Variants in ARHGAP17 observed in about 807,000 individuals in gnomAD.
The protein encoded by ARHGAP17 is Rho GTPase activating protein 17, also known as rho GTPase-activating protein 17.
A neutral mutation model predicts 99.5 loss-of-function variants in ARHGAP17; 57 were observed. The ratio of observed to expected loss-of-function variants is 0.57; its 90% CI spans 0.46 to 0.71. ARHGAP17 has a LOEUF of 0.71. Among genes scored for constraint, ARHGAP17 ranks in the 30% least tolerant of loss-of-function variants. The probability of loss-of-function intolerance (pLI) is 0.00; values close to 1 mark genes in which losing one functional copy is unlikely to be tolerated. For missense variants in ARHGAP17, 1,000 were observed against 1,122.4 expected (o/e 0.89, Z 1.56); for synonymous variants, 417 against 429.6 (o/e 0.97, Z 0.36).
chr16:24,952,185 G>A (rs758066782), intron 12 of ARHGAP17, 104 bp downstream of exon 12: 5 of 740,030 alleles, frequency 6.8e-6, no homozygotes, highest in East Asian at 2.9e-5. Flanking sequence ...TAACAAATAC[G>A]CTATTTTAAT....
Position 24,959,665 on chromosome 16 carries a change from C to T in ARHGAP17, c.724+6G>A, listed in dbSNP as rs2051922791. 3 of 1,613,628 alleles carry T rather than the reference C, an allele frequency of 1.9e-6. No individual in the cohort carries two copies. The Admixed American group carries it at 5.0e-5, about 27-fold the overall frequency. ...GGAAGCATCAGCCGCACGCGGGTTA[C>T]ATTACCTTGATGGGCTCGCATTTCG... is the stretch of plus-strand genomic sequence containing the variant. On this transcript the variant is annotated splice_donor_region_variant and intron_variant, in intron 9 of 19. Coordinates refer to ENST00000289968, the MANE Select transcript of ARHGAP17 (RefSeq NM_001006634.3).
chr16:24,999,698 T>C (rs1244034848), intron 1 of ARHGAP17, among the ~76,000 whole-genome samples: 1 of 152,158 alleles, frequency 6.6e-6, no homozygotes, highest in African/African-American at 2.4e-5. Context: ...GGGATACAGG[T>C]GGGAGTCGCA....
At chr16:24,935,746 G>A (rs1010392112) in intron 17 of ARHGAP17, 107 bp from the exon 18 acceptor site, 3 of 1,211,016 alleles carry the variant, frequency 2.5e-6, no homozygotes, top group South Asian at 1.3e-5. Context: ...ACTTCGGCAG[G>A]CAGGAAAAGG....
intron 16 of ARHGAP17, 175 bp from the exon 17 acceptor site, chr16:24,939,772 CA>C (rs1326281399): frequency 9.1e-6 from 6 of 661,562 alleles, no homozygotes; most frequent in Non-Finnish European, 1.6e-5. Flanking sequence ...CACTCGGCTT[CA>C]AGCCTGAGCA....
At position 24,973,037 on chromosome 16, in the gene ARHGAP17, T is replaced by C. The variant is rs111774772; in HGVS notation, c.199-2457A>G. 3.7e-3 allele frequency among the ~76,000 whole-genome samples: 566 copies of C among 152,036 alleles called. 8 individuals carry two copies. The highest frequency in any genetic ancestry group is 0.013 in the African/African-American group (545 of 41,448). On this transcript the variant is annotated intron_variant, in intron 3 of 19. Transcript: ENST00000289968. ...GCAACCCACTTCCGGGGTTTTGCCA[T>C]GTTGCACAGGCTGGTATCGACTCCT...
intron 1 of ARHGAP17, among the ~76,000 whole-genome samples, chr16:25,013,517 T>C (rs2053698584): frequency 6.6e-6 from 1 of 151,666 alleles, no homozygotes; most frequent in Non-Finnish European, 1.5e-5. Flanking sequence ...ACCACATAGG[T>C]GGCTGAGGCG....
At chr16:24,941,224 T>C (rs2051303546) in intron 16 of ARHGAP17, among the ~76,000 whole-genome samples, 1 of 152,242 alleles carries the variant, frequency 6.6e-6, no homozygotes, top group African/African-American at 2.4e-5. Flanking sequence ...CACTTCGTTT[T>C]AATGTAAAAC....
At chr16:24,982,197 A>G (rs572291728) in intron 1 of ARHGAP17, among the ~76,000 whole-genome samples, 1 of 152,240 alleles carries the variant, frequency 6.6e-6, no homozygotes, top group East Asian at 1.9e-4. Flanking sequence ...TGAGGTCAGA[A>G]GTTCAAGACC....
intron 6 of ARHGAP17, among the ~76,000 whole-genome samples, chr16:24,967,778 CAAAAA>C (rs940394750): frequency 1.7e-5 from 1 of 59,410 alleles, no homozygotes; most frequent in Non-Finnish European, 3.6e-5. Flanking sequence ...GACCTTGACT[CAAAAA>C]AAAAAAAAAA....
intron 1 of ARHGAP17, among the ~76,000 whole-genome samples, chr16:24,982,225 A>G (rs2052694633): frequency 6.6e-6 from 1 of 152,076 alleles, no homozygotes; most frequent in Non-Finnish European, 1.5e-5. Context: ...TCAACATGGC[A>G]AAACCTCATC....
At chr16:24,990,689 T>C (rs2053013356) in intron 1 of ARHGAP17, among the ~76,000 whole-genome samples, 1 of 150,610 alleles carries the variant, frequency 6.6e-6, no homozygotes, top group Non-Finnish European at 1.5e-5. Flanking sequence ...ACACCCCTCA[T>C]AAGGTTGTCA....
In ARHGAP17 at chr16:24,939,619, T is replaced by C. The variant is rs375510367; in HGVS notation, c.1491-22A>G. ...AAAGCTACACAGAGAGAAGAAACAG[T>C]CAACACACCATGCGAGCAGACTACT... On this transcript the variant is annotated intron_variant, in intron 16 of 19. Coordinates refer to ENST00000289968, the MANE Select transcript of ARHGAP17 (RefSeq NM_001006634.3). The C allele has an allele frequency of 2.5e-5, 39 of 1,583,388 alleles. No individual in the cohort carries two copies. The African/African-American group carries it at 4.4e-4, about 18-fold the overall frequency.
chr16:24,982,982 A>ATATATATATATATATATT (rs2052728646), intron 1 of ARHGAP17, among the ~76,000 whole-genome samples: 12 of 32,668 alleles, frequency 3.7e-4, no homozygotes, highest in South Asian at 1.3e-3. Flanking sequence ...ATATATATAT[A>ATATATATATATATATATT]TATATATATA....
At chr16:24,951,849 A>G (rs888417858) in intron 12 of ARHGAP17, among the ~76,000 whole-genome samples, 9 of 152,172 alleles carry the variant, frequency 5.9e-5, no homozygotes, top group Non-Finnish European at 1.2e-4. Flanking sequence ...GTATACTTGA[A>G]TTTGCAATTA....
At chr16:24,925,510 A>G (rs1190294610) in intron 19 of ARHGAP17, among the ~76,000 whole-genome samples, 2 of 152,224 alleles carry the variant, frequency 1.3e-5, no homozygotes, top group Non-Finnish European at 2.9e-5. Context: ...TAGGGCTATT[A>G]GAGACTCTGA....
At chr16:25,006,979 G>A (rs2053524471) in intron 1 of ARHGAP17, among the ~76,000 whole-genome samples, 1 of 152,172 alleles carries the variant, frequency 6.6e-6, no homozygotes, top group African/African-American at 2.4e-5. Flanking sequence ...GAGAAGAAAG[G>A]AGATCGAGGA....
intron 9 of ARHGAP17, 107 bp downstream of exon 9, chr16:24,959,561 GAGA>G (rs2051919102): frequency 9.8e-7 from 1 of 1,024,682 alleles, no homozygotes; most frequent in African/African-American, 1.6e-5. Context: ...CTCCTAGGCA[GAGA>G]AGCTTTATCC....
chr16:24,965,291 A>G (rs995199998), intron 6 of ARHGAP17, among the ~76,000 whole-genome samples: 4 of 152,190 alleles, frequency 2.6e-5, no homozygotes, highest in East Asian at 1.9e-4. Flanking sequence ...TAACACGGTG[A>G]AACCCCATCT....
chr16:24,970,689 G>GCTGTCTCCTACCTGTGTAATT, intron 3 of ARHGAP17, 109 bp from the exon 4 acceptor site: 1 of 960,984 alleles, frequency 1.0e-6, no homozygotes, highest in Non-Finnish European at 1.7e-6. Context: ...AATTACACAG[G>GCTGTCTCCTACCTGTGTAATT]TAGGAGACAG....
Sources: allele counts gnomAD v4.1 joint callset (sites outside exome capture counted in the v4.1 genomes callset), GRCh38; gene constraint gnomAD v4.1.1; transcripts MANE v1.5; gene names NCBI Gene and HGNC (gene_info 2026-07-23, HGNC 2026-07-21).